The following FTO variants were observed in gnomAD, a reference collection of about 807,000 sequenced individuals.
The protein encoded by FTO is FTO alpha-ketoglutarate dependent dioxygenase, also known as alpha-ketoglutarate-dependent dioxygenase FTO.
Under a neutral mutation model 63.9 loss-of-function variants are expected in FTO, and 47 were observed. The observed-to-expected ratio is 0.74, with a 90% confidence interval of 0.58 to 0.94. The LOEUF (loss-of-function observed/expected upper bound fraction) is 0.94, where lower values mean the gene tolerates loss of function less well. Among genes scored for constraint, FTO ranks in the 40% least tolerant of loss-of-function variants. The pLI is 0.00. For missense variants in FTO, 562 were observed against 618.1 expected (o/e 0.91, Z 0.96); for synonymous variants, 207 against 224.4 (o/e 0.92, Z 0.69).
In FTO at chr16:54,115,113, A is replaced by T. The variant is rs1004090052; in HGVS notation, c.*3198A>T. 5 of 152,060 alleles carry T rather than the reference A, an allele frequency of 3.3e-5. No homozygotes were observed. Among genetic ancestry groups the T allele is most frequent in the Non-Finnish European group, 5.9e-5 (4 of 68,022 alleles). 9.4% of individuals were successfully genotyped at this position (152,060 alleles called of 1,614,324 possible). A position where few individuals can be genotyped will look rare whatever the true frequency, so the allele number is the denominator to read the frequency against. On this transcript the variant is annotated 3_prime_UTR_variant, in exon 9 of 9. Transcript: ENST00000471389. ...CTGGAAGCACAGGCCCAGAAATCGCACCCTTCTCCCCATGTGTGCGGATAA... is the reference window on the plus strand; with the variant it reads ...CTGGAAGCACAGGCCCAGAAATCGCTCCCTTCTCCCCATGTGTGCGGATAA...
At chr16:53,917,791 G>A (rs932557670) in intron 7 of FTO, among the ~76,000 whole-genome samples, 2 of 151,822 alleles carry the variant, frequency 1.3e-5, no homozygotes, top group Admixed American at 6.6e-5. Flanking sequence ...TATGTGCCGA[G>A]TAGCAGGTAG....
At chr16:53,749,507 C>G (rs1470489736) in intron 1 of FTO, among the ~76,000 whole-genome samples, 1 of 151,240 alleles carries the variant, frequency 6.6e-6, no homozygotes, top group East Asian at 1.9e-4. Flanking sequence ...GGCGCAATCT[C>G]GGGTCACTGC....
intron 7 of FTO, among the ~76,000 whole-genome samples, chr16:53,909,400 A>G (rs967578518): frequency 6.6e-6 from 1 of 152,164 alleles, no homozygotes; most frequent in Non-Finnish European, 1.5e-5. Context: ...GCTGCAGAGA[A>G]CAGAAGTCAG....
chr16:54,065,704 G>T (rs114655992), intron 8 of FTO, among the ~76,000 whole-genome samples: 2 of 152,084 alleles, frequency 1.3e-5, no homozygotes, highest in African/African-American at 4.8e-5. Context: ...CAAACTATTC[G>T]CAGAGAAAAC....
At chr16:53,838,579 G>A (rs1276213025) in intron 3 of FTO, among the ~76,000 whole-genome samples, 1 of 152,154 alleles carries the variant, frequency 6.6e-6, no homozygotes, top group African/African-American at 2.4e-5. Context: ...CCAAAGTGCT[G>A]GGATTACAAG....
intron 8 of FTO, among the ~76,000 whole-genome samples, chr16:53,962,309 A>G (rs1469961045): frequency 1.3e-5 from 2 of 152,124 alleles, no homozygotes; most frequent in African/African-American, 2.4e-5. Flanking sequence ...TTTCATGTTA[A>G]TGCTTTGGGA....
At chr16:53,804,022 A>T (rs1180787435) in intron 1 of FTO, among the ~76,000 whole-genome samples, 2 of 152,252 alleles carry the variant, frequency 1.3e-5, no homozygotes, top group Non-Finnish European at 2.9e-5. Context: ...GACATGAGTA[A>T]ATAACAACAA....
chr16:53,796,364 T>C (rs1380386330), intron 1 of FTO, among the ~76,000 whole-genome samples: 1 of 152,128 alleles, frequency 6.6e-6, no homozygotes, highest in Non-Finnish European at 1.5e-5. Context: ...TTAAAACAAG[T>C]GAACAAACAA....
In FTO at chr16:53,873,854, C is replaced by T. The variant is rs200201735; in HGVS notation, c.964C>T (p.Arg322Ter). 9.3e-6 allele frequency: 15 copies of T among 1,611,482 alleles called. No individual in the cohort carries two copies. Among genetic ancestry groups the T allele is most frequent in the Middle Eastern group, 1.6e-4 (1 of 6,070 alleles). Residue 322 changes from arginine (R) to a stop codon, truncating the protein, a stop_gained, in exon 5 of 9, where the codon CGA becomes TGA. Transcript: ENST00000471389. LOFTEE classifies it high-confidence loss of function. ...ACAACCTCGGTTTAGTTCCACCCAC[C>T]GAGTGGCAGAGGTAAGTGTAAATAA... ...GSQPRFSSTH[R>*]VAECSTGTLD...
In FTO at chr16:53,880,488, C is replaced by T. The variant is rs2080793610; in HGVS notation, c.1119+501C>T. On this transcript the variant is annotated intron_variant, in intron 6 of 8. Coordinates refer to ENST00000471389, the MANE Select transcript of FTO (RefSeq NM_001080432.3). The stretch of plus-strand genomic sequence containing the variant: ...TGTTAGTTCACGAACTTATTCTGTT[C>T]AGGCTGCAGTAACAAAATTGCATAA... 2.6e-5 allele frequency among the ~76,000 whole-genome samples: 4 copies of T among 152,282 alleles called. No homozygotes were observed. The South Asian group carries it at 8.3e-4, about 32-fold the overall frequency.
intron 1 of FTO, among the ~76,000 whole-genome samples, chr16:53,714,552 A>T (rs1433850253): frequency 6.6e-6 from 1 of 152,156 alleles, no homozygotes; most frequent in Non-Finnish European, 1.5e-5. Flanking sequence ...AGAATATGAG[A>T]ATAGCACCGG....
chr16:53,923,738 A>C (rs932375254), intron 7 of FTO, among the ~76,000 whole-genome samples: 2 of 151,620 alleles, frequency 1.3e-5, no homozygotes, highest in East Asian at 3.9e-4. Context: ...ATCATCTGAA[A>C]CACCAGCGTT....
chr16:53,955,388 A>G (rs1350821966), intron 8 of FTO, among the ~76,000 whole-genome samples: 1 of 152,164 alleles, frequency 6.6e-6, no homozygotes, highest in African/African-American at 2.4e-5. Flanking sequence ...GACATGCACT[A>G]TGGAGAAAGG....
chr16:53,742,734 C>A (rs1428663660), intron 1 of FTO, among the ~76,000 whole-genome samples: 1 of 152,164 alleles, frequency 6.6e-6, no homozygotes, highest in Non-Finnish European at 1.5e-5. Context: ...CTGAGTTAAT[C>A]TTCATCATAA....
Position 53,844,289 on chromosome 16 carries a change from T to A in FTO, c.886T>A (p.Phe296Ile). 6.2e-7 allele frequency: 1 copy of A among 1,612,928 alleles called. No homozygotes were observed. The highest frequency in any genetic ancestry group is 8.5e-7 in the Non-Finnish European group (1 of 1,178,920). ...ACCCCTTCACCAAGGAGACTGCTAT[T>A]TCATGCTTGGTAATCTTTGGAAAAT... is the stretch of plus-strand genomic sequence containing the variant. ...AIPLHQGDCY[F>I]MLDDLNATHQ... is the part of the protein sequence containing the mutation. The change falls in exon 4 of 9, where the codon TTC becomes ATC. Residue 296 changes from phenylalanine (F) to isoleucine (I), a missense_variant. Physicochemically the swap from Phe to Ile is conservative, Grantham distance 21 (BLOSUM62 0). Coordinates refer to ENST00000471389, the MANE Select transcript of FTO (RefSeq NM_001080432.3).
rs572838874 is a variant in FTO at position 54,112,102 on chromosome 16, A to G, written c.*187A>G. The G allele has an allele frequency of 1.4e-5, 9 of 646,958 alleles. No individual in the cohort carries two copies. Among genetic ancestry groups the G allele is most frequent in the South Asian group, 5.5e-5 (3 of 54,608 alleles). The allele number at this position is 646,958 out of a possible 1,614,324, so 40.1% of individuals were successfully genotyped here. On this transcript the variant is annotated 3_prime_UTR_variant, in exon 9 of 9. Coordinates refer to ENST00000471389, the MANE Select transcript of FTO (RefSeq NM_001080432.3). The stretch of plus-strand genomic sequence containing the variant: ...AAATGTTTTAAAATGACCCTGTGTT[A>G]TAGTCTGATTTGGTGTTAAACAGGA...
intron 8 of FTO, among the ~76,000 whole-genome samples, chr16:54,034,535 T>A (rs1286294062): frequency 6.6e-6 from 1 of 152,192 alleles, no homozygotes; most frequent in Non-Finnish European, 1.5e-5. Flanking sequence ...AAATTCTGTG[T>A]ACAGTAGTGT....
intron 8 of FTO, among the ~76,000 whole-genome samples, chr16:53,940,115 C>T (rs150684652): frequency 0.014 from 2,108 of 152,102 alleles, 26 homozygotes; most frequent in Middle Eastern, 0.058. Context: ...CCACCAAGAA[C>T]GCACAAAGTT....
intron 1 of FTO, among the ~76,000 whole-genome samples, chr16:53,714,845 T>G (rs1214296878): frequency 6.6e-6 from 1 of 152,110 alleles, no homozygotes; most frequent in Non-Finnish European, 1.5e-5. Flanking sequence ...GAGTAGCCAG[T>G]GTTCCCAGCT....
Sources: allele counts gnomAD v4.1 joint callset (sites outside exome capture counted in the v4.1 genomes callset), GRCh38; gene constraint gnomAD v4.1.1; transcripts MANE v1.5; gene names NCBI Gene and HGNC (gene_info 2026-07-23, HGNC 2026-07-21).